ACSL5: variants seen among roughly 807,000 people sequenced by gnomAD.
The protein encoded by ACSL5 is acyl-CoA synthetase long chain family member 5.
A neutral mutation model predicts 84.9 loss-of-function variants in ACSL5; 50 were observed. That is an observed-to-expected ratio of 0.59 (90% CI 0.47 to 0.75). ACSL5 has a LOEUF of 0.75. ACSL5 is among the 30% of genes least tolerant of loss of function. The pLI is 0.00. For synonymous variants in ACSL5, 280 were observed against 300.7 expected, an observed-to-expected ratio of 0.93 and a Z score of 0.71; for missense variants, 775 against 830.4, an observed-to-expected ratio of 0.93 and a Z score of 0.82.
intron 14 of ACSL5, among the ~76,000 whole-genome samples, chr10:112,421,236 G>C (rs1844456042): frequency 6.6e-6 from 1 of 152,132 alleles, no homozygotes; most frequent in Non-Finnish European, 1.5e-5. Context: ...TCAGCTCACT[G>C]CAACCTCTGC....
intron 1 of ACSL5, among the ~76,000 whole-genome samples, chr10:112,386,580 A>G (rs1212147640): frequency 1.3e-5 from 2 of 152,044 alleles, no homozygotes; most frequent in Non-Finnish European, 2.9e-5. Context: ...TATTTTTCAA[A>G]ATTGTTTCAC....
rs771164139 is a variant in ACSL5, at chr10:112,398,892, G to T, written c.157-9G>T. The stretch of plus-strand genomic sequence containing the variant: ...TTGAACTTGGCCTAAACTTGGTCTT[G>T]TGTCTTAGGGAGGAGCACGGAAGGG... On this transcript the variant is annotated splice_polypyrimidine_tract_variant and intron_variant, in intron 2 of 20. Transcript: ENST00000354655. The T allele has an allele frequency of 6.2e-7, 1 of 1,612,896 alleles. No homozygotes were observed. The highest frequency in any genetic ancestry group is 8.5e-7 in the Non-Finnish European group (1 of 1,179,040).
chr10:112,422,009 T>C lies in ACSL5; in HGVS notation c.1450T>C (p.Tyr484His). The C allele has an allele frequency of 6.2e-7, 1 of 1,614,214 alleles. No individual in the cohort carries two copies. Residue 484 changes from tyrosine to histidine, a missense_variant, in exon 16 of 21, where the codon TAC becomes CAC. Transcript: ENST00000354655. Reference protein sequence around the residue: ...VKLEDVADMNYFTVNNEGEVC... With the variant: ...VKLEDVADMNHFTVNNEGEVC... Reference sequence around the variant, plus strand: ...GCTGGAAGATGTGGCTGACATGAACTACTTTACAGTGAATAATGAAGGAGA... The same window carrying C: ...GCTGGAAGATGTGGCTGACATGAACCACTTTACAGTGAATAATGAAGGAGA...
At chr10:112,399,533 CT>C (rs940989425) in intron 3 of ACSL5, among the ~76,000 whole-genome samples, 4 of 152,202 alleles carry the variant, frequency 2.6e-5, no homozygotes, top group Admixed American at 6.5e-5. Flanking sequence ...TTTTTAGAGA[CT>C]ACCAAATGGG....
At position 112,409,668 on chromosome 10, in the gene ACSL5, T is replaced by C; in HGVS notation, c.694T>C (p.Ser232Pro). 6.2e-7 allele frequency: 1 copy of C among 1,614,180 alleles called. No individual in the cohort carries two copies. Among genetic ancestry groups the C allele is most frequent in the Non-Finnish European group, 8.5e-7 (1 of 1,180,006 alleles). The change falls in exon 7 of 21, where the codon TCC (serine) becomes CCC (proline). Residue 232 changes from serine (S) to proline (P), a missense_variant. Coordinates refer to ENST00000354655, the MANE Select transcript of ACSL5 (RefSeq NM_203379.2). ...GGAGAAGAGTGGAATTGAGATCTTATCCCTATATGATGCTGAGGTATGGAT... is the reference window on the plus strand; with the variant it reads ...GGAGAAGAGTGGAATTGAGATCTTACCCCTATATGATGCTGAGGTATGGAT... ...RGEKSGIEIL[S>P]LYDAENLGKE...
Position 112,404,489 on chromosome 10 carries a change from T to G in ACSL5, c.266-22T>G, listed in dbSNP as rs375457197. ...GAGAATTTGCAACTGGAGTTGATTT[T>G]CTTTTAATATTATGTTTTTAGACAA... On this transcript the variant is annotated intron_variant, in intron 3 of 20. Transcript: ENST00000354655. 4 of 1,601,802 alleles carry G rather than the reference T, an allele frequency of 2.5e-6. No homozygotes were observed. The African/African-American group carries it at 5.4e-5, about 21-fold the overall frequency.
intron 17 of ACSL5, 88 bp from the exon 18 acceptor site, chr10:112,425,247 GAGA>G (rs1219055242): frequency 4.2e-5 from 51 of 1,200,856 alleles, no homozygotes; most frequent in Non-Finnish European, 5.7e-5. Flanking sequence ...ATCAGCTTTA[GAGA>G]AGAAAGATGA....
Position 112,411,426 on chromosome 10 carries a change from A to G in ACSL5, c.797-30A>G, listed in dbSNP as rs77473800. The stretch of plus-strand genomic sequence containing the variant: ...AGGCTACCTATTAGCTACATAAAGT[A>G]TCTTTCTCTCCACCTCTTATTTCCT... On this transcript the variant is annotated intron_variant, in intron 9 of 20. Coordinates refer to ENST00000354655, the MANE Select transcript of ACSL5 (RefSeq NM_203379.2). 2.6e-3 allele frequency: 4,104 copies of G among 1,570,276 alleles called. 112 individuals carry two copies. The African/African-American group carries it at 0.049, about 19-fold the overall frequency.
chr10:112,402,771 C>T (rs1389028707), intron 3 of ACSL5, among the ~76,000 whole-genome samples: 1 of 152,110 alleles, frequency 6.6e-6, no homozygotes, highest in Non-Finnish European at 1.5e-5. Flanking sequence ...TTTGGCAAGA[C>T]CTGAATTCCT....
At chr10:112,411,672 C>A in intron 10 of ACSL5, 143 bp downstream of exon 10, 1 of 902,792 alleles carries the variant, frequency 1.1e-6, no homozygotes, top group Non-Finnish European at 1.7e-6. Context: ...TGTGGACAAA[C>A]ACCAGCGTGT....
chr10:112,392,046 G>A (rs1843652867), intron 1 of ACSL5, among the ~76,000 whole-genome samples: 1 of 152,150 alleles, frequency 6.6e-6, no homozygotes, highest in South Asian at 2.1e-4. Flanking sequence ...AAATATAAAT[G>A]TGCCATCTGG....
At chr10:112,399,285 A>C (rs1843820098) in intron 3 of ACSL5, among the ~76,000 whole-genome samples, 1 of 152,218 alleles carries the variant, frequency 6.6e-6, no homozygotes, top group African/African-American at 2.4e-5. Flanking sequence ...TCTCAACACA[A>C]GAAGAACGTC....
intron 1 of ACSL5, among the ~76,000 whole-genome samples, chr10:112,389,513 G>A (rs1196923342): frequency 6.6e-6 from 1 of 152,162 alleles, no homozygotes; most frequent in Non-Finnish European, 1.5e-5. Context: ...GGAAATCCCA[G>A]ACACAGCATG....
intron 3 of ACSL5, 86 bp from the exon 4 acceptor site, chr10:112,404,425 C>CTTGCCCCTT: frequency 1.0e-6 from 1 of 986,906 alleles, no homozygotes; most frequent in Non-Finnish European, 1.6e-6. Flanking sequence ...CCCTTTGTGT[C>CTTGCCCCTT]TTGCCCCTTC....
At chr10:112,401,870 T>TCC (rs1843918429) in intron 3 of ACSL5, among the ~76,000 whole-genome samples, 1 of 149,646 alleles carries the variant, frequency 6.7e-6, no homozygotes, top group Non-Finnish European at 1.5e-5. Context: ...CTTTCTTTCT[T>TCC]TTTCTTTCTT....
Position 112,398,963 on chromosome 10 carries a change from T to C in ACSL5, c.219T>C (p.Asp73=), listed in dbSNP as rs755339256. The change falls in exon 3 of 21, where the codon GAT becomes GAC. Residue 73 remains aspartate, a synonymous_variant. Coordinates refer to ENST00000354655, the MANE Select transcript of ACSL5 (RefSeq NM_203379.2). ...ACCTAACAAGTTGCTGCTTCTCAGA[T>C]GCCAAGACTATGTATGAGGTTTTCC... ...NNDLTSCCFS[D]AKTMYEVFQR... 2 of 1,614,136 alleles carry C rather than the reference T, an allele frequency of 1.2e-6. No homozygotes were observed. Among genetic ancestry groups the C allele is most frequent in the Non-Finnish European group, 1.7e-6 (2 of 1,179,998 alleles).
intron 9 of ACSL5, 109 bp downstream of exon 9, chr10:112,410,744 T>G (rs1844159025): frequency 1.8e-6 from 2 of 1,140,818 alleles, no homozygotes; most frequent in Non-Finnish European, 2.5e-6. Context: ...GCCCTATACT[T>G]AGGGGCTCAC....
intron 2 of ACSL5, among the ~76,000 whole-genome samples, chr10:112,397,134 G>A (rs1554862070): frequency 6.6e-6 from 1 of 151,136 alleles, no homozygotes; most frequent in Non-Finnish European, 1.5e-5. Flanking sequence ...AGATCCAGCT[G>A]ACATTTCAGA....
chr10:112,395,452 A>G (rs1312370422), intron 2 of ACSL5, among the ~76,000 whole-genome samples: 1 of 152,214 alleles, frequency 6.6e-6, no homozygotes, highest in Non-Finnish European at 1.5e-5. Flanking sequence ...CACAAAGCCT[A>G]AAGTGTTTGC....
Sources: gnomAD v4.1 joint callset for allele counts (sites outside exome capture counted in the v4.1 genomes callset) on GRCh38, gnomAD v4.1.1 for gene constraint, MANE v1.5 for transcripts, NCBI Gene and HGNC (gene_info 2026-07-23, HGNC 2026-07-21) for gene names.